Variants in ASPA observed in about 807,000 individuals in gnomAD.
The protein encoded by ASPA is ACY-2.
Under a neutral mutation model 29.6 loss-of-function variants are expected in ASPA, and 25 were observed. The observed-to-expected ratio is 0.85, with a 90% CI of 0.62 to 1.18. The LOEUF (loss-of-function observed/expected upper bound fraction) is 1.18. ASPA is among the 50% of genes most tolerant of loss of function. The probability of loss-of-function intolerance (pLI) is 0.00; values close to 1 mark genes in which losing one functional copy is unlikely to be tolerated. For synonymous variants in ASPA, 131 were observed against 130.3 expected (o/e 1.01, Z -0.04); for missense variants, 333 against 385.7 (o/e 0.86, Z 1.14).
intron 5 of ASPA, among the ~76,000 whole-genome samples, chr17:3,498,562 G>A (rs2073946695): frequency 6.6e-6 from 1 of 152,080 alleles, no homozygotes; most frequent in Non-Finnish European, 1.5e-5. Context: ...GCCCAGGCTG[G>A]TTTTGAACTC....
rs2073699551 is a variant in ASPA at position 3,485,294 on chromosome 17, G to A, written c.526+1702G>A. 1.3e-5 allele frequency among the ~76,000 whole-genome samples: 2 copies of A among 152,158 alleles called. No individual in the cohort carries two copies. The highest frequency in any genetic ancestry group is 4.8e-5 in the African/African-American group (2 of 41,432). On this transcript the variant is annotated intron_variant, in intron 3 of 5. Transcript: ENST00000263080. The surrounding 1 kb of genome is among the most constrained non-coding windows in gnomAD (Gnocchi z 4.4). The stretch of plus-strand genomic sequence containing the variant: ...CAAAGTGCTGGGATTACAAGCGTGA[G>A]CCACCACACCTGTACCTCATTCACA...
chr17:3,476,879 T>C (rs2073532148), intron 1 of ASPA, among the ~76,000 whole-genome samples: 3 of 152,216 alleles, frequency 2.0e-5, no homozygotes, highest in African/African-American at 4.8e-5. Context: ...GAAAGCGTGA[T>C]TAAATATCTT....
At position 3,485,511 on chromosome 17, in the gene ASPA, C is replaced by A. The variant is rs1597434575; in HGVS notation, c.526+1919C>A. Among the ~76,000 whole-genome samples, 1 of 152,268 alleles carries A rather than the reference C, an allele frequency of 6.6e-6. No individual in the cohort carries two copies. The highest frequency in any genetic ancestry group is 1.9e-4 in the East Asian group (1 of 5,184). Reference sequence around the variant, plus strand: ...CGGGGCAACAAAAGTGAAACTCCGTCTCAAAAAAACAAACAAACAAAAATA... The same window carrying A: ...CGGGGCAACAAAAGTGAAACTCCGTATCAAAAAAACAAACAAACAAAAATA... On this transcript the variant is annotated intron_variant, in intron 3 of 5. Coordinates refer to ENST00000263080, the MANE Select transcript of ASPA (RefSeq NM_000049.4). The surrounding 1 kb of genome is among the most constrained non-coding windows in gnomAD (Gnocchi z 4.4).
At chr17:3,492,659 A>G (rs1263398378) in intron 4 of ASPA, among the ~76,000 whole-genome samples, 2 of 152,204 alleles carry the variant, frequency 1.3e-5, no homozygotes, top group South Asian at 2.1e-4. Flanking sequence ...TACGTGTACC[A>G]TTATGTACAA....
At chr17:3,487,358 GA>G (rs1362350998) in intron 3 of ASPA, among the ~76,000 whole-genome samples, 1 of 152,108 alleles carries the variant, frequency 6.6e-6, no homozygotes, top group Non-Finnish European at 1.5e-5. Context: ...GTTGGAAGGA[GA>G]ACATATAACA....
intron 1 of ASPA, among the ~76,000 whole-genome samples, chr17:3,478,518 C>A (rs975071223): frequency 5.3e-5 from 8 of 152,164 alleles, no homozygotes; most frequent in Non-Finnish European, 1.5e-5. Context: ...TGTTAACTAA[C>A]TTCTATATTA....
At chr17:3,478,588 T>G (rs1227533711) in intron 1 of ASPA, among the ~76,000 whole-genome samples, 2 of 152,230 alleles carry the variant, frequency 1.3e-5, no homozygotes. Context: ...CAAATAGGTG[T>G]GAAATGGACT....
chr17:3,492,920 G>A (rs1169690735), intron 4 of ASPA, among the ~76,000 whole-genome samples: 1 of 152,196 alleles, frequency 6.6e-6, no homozygotes, highest in African/African-American at 2.4e-5. Context: ...AACTAAATTA[G>A]GAGGTGGTTG....
chr17:3,478,674 C>T (rs895820523), intron 1 of ASPA, among the ~76,000 whole-genome samples: 1 of 152,224 alleles, frequency 6.6e-6, no homozygotes, highest in Non-Finnish European at 1.5e-5. Context: ...CTTTCTGCTC[C>T]TTACTGTTAA....
chr17:3,478,517 A>C (rs2073570990), intron 1 of ASPA, among the ~76,000 whole-genome samples: 1 of 152,206 alleles, frequency 6.6e-6, no homozygotes, highest in East Asian at 1.9e-4. Context: ...CTGTTAACTA[A>C]CTTCTATATT....
At chr17:3,494,037 ATT>A (rs5818896) in intron 4 of ASPA, among the ~76,000 whole-genome samples, 6,086 of 137,118 alleles carry the variant, frequency 0.044, 252 homozygotes, top group East Asian at 0.23. Flanking sequence ...CTTTTTCCAG[ATT>A]TTTTTTTTTT....
chr17:3,485,368 C>T lies in ASPA; in HGVS notation c.526+1776C>T, dbSNP rs1034509858. Among the ~76,000 whole-genome samples the T allele has an allele frequency of 1.3e-5, 2 of 152,088 alleles. No homozygotes were observed. The highest frequency in any genetic ancestry group is 4.8e-5 in the African/African-American group (2 of 41,398). The stretch of plus-strand genomic sequence containing the variant: ...CAGACTTATACAAACTTATCCATTC[C>T]TTCCCATGCAGGTTCTATAACTATA... On this transcript the variant is annotated intron_variant, in intron 3 of 5. Transcript: ENST00000263080. This position sits in a 1 kb window ranked among gnomAD's most constrained non-coding sequence, Gnocchi z 4.4.
Position 3,490,468 on chromosome 17 carries a change from G to A in ASPA, c.634+1126G>A, listed in dbSNP as rs1199877889. On this transcript the variant is annotated intron_variant, in intron 4 of 5. Transcript: ENST00000263080. This position sits in a 1 kb window ranked among gnomAD's most constrained non-coding sequence, Gnocchi z 4.6. ...GAGTTGAAATTGTTGTTGAGGAATG[G>A]GCAATTATAATAACAGAGGGGGTGT... Among the ~76,000 whole-genome samples the A allele has an allele frequency of 6.6e-6, 1 of 152,132 alleles. No homozygotes were observed. The highest frequency in any genetic ancestry group is 6.5e-5 in the Admixed American group (1 of 15,274).
rs1043861780 is a variant in ASPA at position 3,490,165 on chromosome 17, T to C, written c.634+823T>C. 3.9e-5 allele frequency among the ~76,000 whole-genome samples: 6 copies of C among 152,174 alleles called. No homozygotes were observed. Among genetic ancestry groups the C allele is most frequent in the African/African-American group, 1.4e-4 (6 of 41,442 alleles). On this transcript the variant is annotated intron_variant, in intron 4 of 5. Coordinates refer to ENST00000263080, the MANE Select transcript of ASPA (RefSeq NM_000049.4). This position sits in a 1 kb window ranked among gnomAD's most constrained non-coding sequence, Gnocchi z 4.6. ...AACACACCAAACTGATAACAATAGTTACCGGGGACGGGAGGCAAAACCCAG... is the reference window on the plus strand; with the variant it reads ...AACACACCAAACTGATAACAATAGTCACCGGGGACGGGAGGCAAAACCCAG...
chr17:3,487,073 C>T (rs2318040), intron 3 of ASPA, among the ~76,000 whole-genome samples: 7 of 150,878 alleles, frequency 4.6e-5, no homozygotes, highest in South Asian at 2.1e-4. Context: ...TGTGTGTGTG[C>T]GTGTGTGTGT....
chr17:3,487,682 G>C (rs2073749948), intron 3 of ASPA, among the ~76,000 whole-genome samples: 1 of 152,124 alleles, frequency 6.6e-6, no homozygotes, highest in African/African-American at 2.4e-5. Context: ...GCATAATAAA[G>C]ATTCCTTCAT....
At chr17:3,498,788 A>G in intron 5 of ASPA, 103 bp from the exon 6 acceptor site, 1 of 1,159,976 alleles carries the variant, frequency 8.6e-7, no homozygotes, top group Non-Finnish European at 1.2e-6. Flanking sequence ...ATCTCTTTTA[A>G]AACAACAGAA....
chr17:3,487,898 A>G (rs1240279246), intron 3 of ASPA, among the ~76,000 whole-genome samples: 2 of 152,228 alleles, frequency 1.3e-5, no homozygotes, highest in Non-Finnish European at 2.9e-5. Flanking sequence ...ATCTACAAAC[A>G]CACTTTTTCA....
At position 3,489,277 on chromosome 17, in the gene ASPA, A is replaced by G. The variant is rs769136884; in HGVS notation, c.569A>G (p.Asp190Gly). 4 of 1,613,228 alleles carry G rather than the reference A, an allele frequency of 2.5e-6. No individual in the cohort carries two copies. In the Admixed American group the frequency reaches 5.0e-5, roughly 20 times the overall value. Reference protein sequence around the residue: ...GPQPQGVLRADILDQMRKMIK... With the variant: ...GPQPQGVLRAGILDQMRKMIK... The stretch of plus-strand genomic sequence containing the variant: ...CAGCCTCAAGGGGTTCTGAGAGCTG[A>G]TATCTTGGATCAAATGAGAAAAATG... Residue 190 changes from aspartate to glycine, a missense_variant, in exon 4 of 6, where the codon GAT becomes GGT. Asp to Gly is a moderately conservative substitution (Grantham distance 94). Transcript: ENST00000263080.
Sources: allele counts gnomAD v4.1 joint callset (sites outside exome capture counted in the v4.1 genomes callset), GRCh38; gene constraint gnomAD v4.1.1; non-coding constraint Gnocchi (gnomAD v3.1); transcripts MANE v1.5; gene names NCBI Gene and HGNC (gene_info 2026-07-23, HGNC 2026-07-21).